The following ZKSCAN1 variants were observed in gnomAD, a reference collection of about 807,000 sequenced individuals.
The protein encoded by ZKSCAN1 is zinc finger protein with KRAB and SCAN domains 1.
ZKSCAN1 carries 14 observed loss-of-function variants against 51.6 expected under a neutral mutation model. The observed-to-expected ratio is 0.27, with a 90% confidence interval of 0.18 to 0.42. The LOEUF is 0.42. Ranked by LOEUF, ZKSCAN1 falls within the 10% of genes least tolerant of loss-of-function variation. The probability of loss-of-function intolerance (pLI) is 1.00; values close to 1 mark genes in which losing one functional copy is unlikely to be tolerated. For synonymous variants in ZKSCAN1, 263 were observed against 261.5 expected, an observed-to-expected ratio of 1.01 and a Z score of -0.06; for missense variants, 531 against 710.0, an observed-to-expected ratio of 0.75 and a Z score of 2.86.
chr7:100,034,215 A>G lies in ZKSCAN1; in HGVS notation c.*18A>G. On this transcript the variant is annotated 3_prime_UTR_variant, in exon 6 of 6. Transcript: ENST00000324306. ...GTGTGTAAAGGAAGAATTTGCCATC[A>G]AGCCATTTCCCCCTTTTGTTTCTAA... 4 of 1,499,626 alleles carry G rather than the reference A, an allele frequency of 2.7e-6. No homozygotes were observed. The highest frequency in any genetic ancestry group is 1.4e-5 in the African/African-American group (1 of 71,714). The allele number at this position is 1,499,626 out of a possible 1,614,324, so 92.9% of individuals were successfully genotyped here.
In ZKSCAN1 at chr7:100,023,893, C is replaced by T. The variant is rs147032152; in HGVS notation, c.387C>T (p.Thr129=). Residue 129 remains threonine (T), a synonymous_variant, in exon 2 of 6, where the codon ACC becomes ACT. Transcript: ENST00000324306. The part of the protein sequence containing the change: ...YRPDSGEEAV[T]LLEDLELDLS... ...CCGATAGTGGAGAGGAGGCCGTGAC[C>T]CTTCTAGAAGACTTGGAGCTTGATT... is the stretch of plus-strand genomic sequence containing the variant. 5.4e-5 allele frequency: 86 copies of T among 1,606,986 alleles called. No homozygotes were observed. In the African/African-American group the frequency reaches 1.0e-3, roughly 19 times the overall value.
chr7:100,029,795 G>C, intron 3 of ZKSCAN1, 66 bp from the exon 4 acceptor site: 1 of 1,483,320 alleles, frequency 6.7e-7, no homozygotes, highest in Non-Finnish European at 9.3e-7. Context: ...AACATGCCCC[G>C]AGCCCTTCTT....
intron 3 of ZKSCAN1, among the ~76,000 whole-genome samples, chr7:100,029,561 A>G (rs1345043417): frequency 1.3e-5 from 2 of 152,182 alleles, no homozygotes; most frequent in African/African-American, 4.8e-5. Context: ...TGGCTCTGCC[A>G]CTGGGAATGT....
Position 100,033,738 on chromosome 7 carries a change from G to C in ZKSCAN1, c.1233G>C (p.Gly411=), listed in dbSNP as rs1226589793. The change falls in exon 6 of 6, where the codon GGG becomes GGC. Residue 411 remains glycine, a synonymous_variant. Transcript: ENST00000324306. The surrounding 1 kb of genome is among the most constrained non-coding windows in gnomAD (Gnocchi z 4.1). ...GEKPYECSEC[G]KAFSLNSNLV... ...AGCCCTATGAATGTAGTGAGTGTGG[G>C]AAAGCCTTCAGTCTTAACTCCAACC... is the stretch of plus-strand genomic sequence containing the variant. 1.2e-6 allele frequency: 2 copies of C among 1,614,132 alleles called. No homozygotes were observed. The highest frequency in any genetic ancestry group is 1.7e-5 in the Admixed American group (1 of 60,018).
Position 100,037,909 on chromosome 7 carries a change from A to G in ZKSCAN1, c.*3712A>G, listed in dbSNP as rs1368266594. ...GTGGCGCACGCCTGTAGTCCCAGCT[A>G]CTCGGGAGGCTGAGGCAGGAGAATG... On this transcript the variant is annotated 3_prime_UTR_variant, in exon 6 of 6. Coordinates refer to ENST00000324306, the MANE Select transcript of ZKSCAN1 (RefSeq NM_003439.4). 1.4e-6 allele frequency: 1 copy of G among 721,470 alleles called. No homozygotes were observed. The highest frequency in any genetic ancestry group is 1.9e-5 in the African/African-American group (1 of 51,804). The allele number at this position is 721,470 out of a possible 1,614,324, so 44.7% of individuals were successfully genotyped here.
intron 1 of ZKSCAN1, among the ~76,000 whole-genome samples, chr7:100,015,948 C>T (rs1790342123): frequency 6.6e-6 from 1 of 152,094 alleles, no homozygotes; most frequent in Non-Finnish European, 1.5e-5. Flanking sequence ...GGGGAGGGGG[C>T]GAGGGTTTCA....
At chr7:100,030,676 C>T (rs920139750) in intron 5 of ZKSCAN1, among the ~76,000 whole-genome samples, 1 of 150,330 alleles carries the variant, frequency 6.7e-6, no homozygotes, top group Non-Finnish European at 1.5e-5. Context: ...AGTTCTGCTC[C>T]GTTCCCATGG....
In ZKSCAN1 at chr7:100,036,923, C is replaced by T; in HGVS notation, c.*2726C>T. On this transcript the variant is annotated 3_prime_UTR_variant, in exon 6 of 6. Coordinates refer to ENST00000324306, the MANE Select transcript of ZKSCAN1 (RefSeq NM_003439.4). ...TTTTTAAATGAAGGTTAAATGTGAC[C>T]TGTGCCCTCACATTTAATTCCGTTT... 6 of 985,070 alleles carry T rather than the reference C, an allele frequency of 6.1e-6. No homozygotes were observed. Among genetic ancestry groups the T allele is most frequent in the Non-Finnish European group, 7.2e-6 (6 of 829,850 alleles). 61.0% of individuals were successfully genotyped at this position (985,070 alleles called of 1,614,324 possible). A position where few individuals can be genotyped will look rare whatever the true frequency, so the allele number is the denominator to read the frequency against.
Position 100,040,244 on chromosome 7 carries a change from C to T in ZKSCAN1, c.*6047C>T. On this transcript the variant is annotated 3_prime_UTR_variant, in exon 6 of 6. Coordinates refer to ENST00000324306, the MANE Select transcript of ZKSCAN1 (RefSeq NM_003439.4). ...GTGTGGTTCCATTTAATAGCGGACACCACCCCAATCTCATGTTTTCCTGTT... is the reference window on the plus strand; with the variant it reads ...GTGTGGTTCCATTTAATAGCGGACATCACCCCAATCTCATGTTTTCCTGTT... 1.0e-6 allele frequency: 1 copy of T among 985,364 alleles called. No individual in the cohort carries two copies. Among genetic ancestry groups the T allele is most frequent in the Non-Finnish European group, 1.2e-6 (1 of 829,922 alleles). The allele number at this position is 985,364 out of a possible 1,614,324, so 61.0% of individuals were successfully genotyped here.
intron 5 of ZKSCAN1, among the ~76,000 whole-genome samples, chr7:100,032,738 G>A (rs952773186): frequency 6.6e-6 from 1 of 151,836 alleles, no homozygotes; most frequent in Non-Finnish European, 1.5e-5. Context: ...GCCAGGCGTG[G>A]TGGCTCACGC....
rs778211965 is a variant in ZKSCAN1 at position 100,024,348 on chromosome 7, A to G, written c.580+41A>G. On this transcript the variant is annotated intron_variant, in intron 3 of 5. Coordinates refer to ENST00000324306, the MANE Select transcript of ZKSCAN1 (RefSeq NM_003439.4). Reference sequence around the variant, plus strand: ...TCATTTAGGGGAAGGGAAATGATTCAGGACGAGAGTCTTTGTGCTGCTGAG... The same window carrying G: ...TCATTTAGGGGAAGGGAAATGATTCGGGACGAGAGTCTTTGTGCTGCTGAG... 3.7e-6 allele frequency: 6 copies of G among 1,605,640 alleles called. No individual in the cohort carries two copies. In the African/African-American group the frequency reaches 6.7e-5, roughly 18 times the overall value.
At chr7:100,018,717 G>A (rs1192986996) in intron 1 of ZKSCAN1, among the ~76,000 whole-genome samples, 1 of 152,180 alleles carries the variant, frequency 6.6e-6, no homozygotes, top group Non-Finnish European at 1.5e-5. Context: ...CAAATGTTTG[G>A]TGAAGAGTAT....
downstream of ZKSCAN1, among the ~76,000 whole-genome samples, chr7:100,045,276 G>A (rs1332053301): frequency 6.6e-6 from 1 of 151,454 alleles, no homozygotes; most frequent in Non-Finnish European, 1.5e-5. Flanking sequence ...GTGCGGGTGC[G>A]GTGGCTCACG....
chr7:100,028,794 C>CA (rs56779174), intron 3 of ZKSCAN1, among the ~76,000 whole-genome samples: 33,927 of 82,822 alleles, frequency 0.41, 5,907 homozygotes, highest in East Asian at 0.52. Flanking sequence ...TACATCTTAT[C>CA]AAAAAAAAAA....
In ZKSCAN1 at chr7:100,036,710, C is replaced by T. The variant is rs1791374971; in HGVS notation, c.*2513C>T. On this transcript the variant is annotated 3_prime_UTR_variant, in exon 6 of 6. Coordinates refer to ENST00000324306, the MANE Select transcript of ZKSCAN1 (RefSeq NM_003439.4). ...CCAGCCTGGGTGACTAGCAAAACTCCATCTCAAAAAAAAAAAAAAGAAAGA... is the reference window on the plus strand; with the variant it reads ...CCAGCCTGGGTGACTAGCAAAACTCTATCTCAAAAAAAAAAAAAAGAAAGA... 2 of 965,660 alleles carry T rather than the reference C, an allele frequency of 2.1e-6. No individual in the cohort carries two copies. Among genetic ancestry groups the T allele is most frequent in the African/African-American group, 1.8e-5 (1 of 54,872 alleles). The allele number at this position is 965,660 out of a possible 1,614,324, so 59.8% of individuals were successfully genotyped here.
At chr7:100,030,865 A>T (rs1367011721) in intron 5 of ZKSCAN1, among the ~76,000 whole-genome samples, 1 of 152,146 alleles carries the variant, frequency 6.6e-6, no homozygotes, top group Non-Finnish European at 1.5e-5. Flanking sequence ...ATTCCAATAC[A>T]CTGCTTTGTG....
Position 100,034,192 on chromosome 7 carries a change from G to T in ZKSCAN1, c.1687G>T (p.Val563Leu), listed in dbSNP as rs368382841. The change falls in exon 6 of 6, where the codon GTG (valine) becomes TTG (leucine). Residue 563 changes from valine (V) to leucine (L), a missense_variant. Val to Leu is a conservative substitution (Grantham distance 32). Around this residue, in one of 2 missense-constraint regions of ZKSCAN1, gnomAD observed 128 missense variants for 219.5 expected, o/e 0.58. Transcript: ENST00000324306. The stretch of plus-strand genomic sequence containing the variant: ...ATTTGGCGCGTTCCTGAAAAGTTGT[G>T]TGTAAAGGAAGAATTTGCCATCAAG... ...DAFGAFLKSC[V>L] is the part of the protein sequence containing the mutation. 1 of 1,503,994 alleles carries T rather than the reference G, an allele frequency of 6.6e-7. No homozygotes were observed. The highest frequency in any genetic ancestry group is 8.8e-7 in the Non-Finnish European group (1 of 1,134,442). The allele number at this position is 1,503,994 out of a possible 1,614,324, so 93.2% of individuals were successfully genotyped here. A position where few individuals can be genotyped will look rare whatever the true frequency, so the allele number is the denominator to read the frequency against.
At chr7:100,021,575 C>T (rs1281645814) in intron 1 of ZKSCAN1, among the ~76,000 whole-genome samples, 1 of 152,084 alleles carries the variant, frequency 6.6e-6, no homozygotes, top group Non-Finnish European at 1.5e-5. Context: ...AAGCTGATTA[C>T]TCATTGGTGA....
At position 100,040,854 on chromosome 7, in the gene ZKSCAN1, T is replaced by TAG; in HGVS notation, c.*6661_*6662dup. Reference sequence around the variant, plus strand: ...CTAGCAAGGACAAAGCATGTTAGATTAGAGATGCTTCTGCTGATCGCAGGG... The same window carrying TAG: ...CTAGCAAGGACAAAGCATGTTAGATTAGAGAGATGCTTCTGCTGATCGCAGGG... On this transcript the variant is annotated 3_prime_UTR_variant, in exon 6 of 6. Transcript: ENST00000324306. 27 of 985,310 alleles carry TAG rather than the reference T, an allele frequency of 2.7e-5. No homozygotes were observed. Among genetic ancestry groups the TAG allele is most frequent in the Non-Finnish European group, 3.3e-5 (27 of 829,920 alleles). The allele number at this position is 985,310 out of a possible 1,614,324, so 61.0% of individuals were successfully genotyped here.
Sources: allele counts gnomAD v4.1 joint callset (sites outside exome capture counted in the v4.1 genomes callset), GRCh38; gene constraint gnomAD v4.1.1; regional missense constraint gnomAD v4.1.1; non-coding constraint Gnocchi (gnomAD v3.1); transcripts MANE v1.5; gene names NCBI Gene and HGNC (gene_info 2026-07-23, HGNC 2026-07-21).